MYH6: variants seen among roughly 807,000 people sequenced by gnomAD.
The protein encoded by MYH6 is myosin heavy chain 6.
Under a neutral mutation model 223.2 loss-of-function variants are expected in MYH6, and 126 were observed. That is an observed-to-expected ratio of 0.56 (90% CI 0.49 to 0.65). MYH6 has a LOEUF of 0.65. Among genes scored for constraint, MYH6 ranks in the 30% least tolerant of loss-of-function variants. The pLI is 0.00. For missense variants in MYH6, 2,040 were observed against 2,536.4 expected (o/e 0.80, Z 4.20); for synonymous variants, 978 against 1,010.2 (o/e 0.97, Z 0.61).
intron 12 of MYH6, among the ~76,000 whole-genome samples, chr14:23,401,460 AGT>A (rs1249600258): frequency 6.6e-6 from 1 of 152,248 alleles, no homozygotes; most frequent in Non-Finnish European, 1.5e-5. Context: ...CGTGTGCCTG[AGT>A]CAGGCTGGAG....
At chr14:23,396,547 C>T (rs1891401524) in intron 19 of MYH6, 127 bp from the exon 20 acceptor site, 3 of 1,569,420 alleles carry the variant, frequency 1.9e-6, no homozygotes, top group Non-Finnish European at 2.6e-6. Context: ...AAAAATTTGA[C>T]AAACAAGACC....
At chr14:23,392,458 G>T in intron 25 of MYH6, 104 bp downstream of exon 25, 1 of 910,632 alleles carries the variant, frequency 1.1e-6, no homozygotes, top group Non-Finnish European at 1.9e-6. Flanking sequence ...CTATGAGGCT[G>T]CCTGGAGTTC....
At chr14:23,396,585 A>T (rs776911881) in intron 19 of MYH6, 109 bp downstream of exon 19, 4 of 1,598,522 alleles carry the variant, frequency 2.5e-6, no homozygotes, top group Non-Finnish European at 2.6e-6. Context: ...TCAGCCCTTG[A>T]TAAGGTTGAT....
At position 23,397,269 on chromosome 14, in the gene MYH6, TGAAGGTGG is replaced by T. The variant is rs748541467; in HGVS notation, c.1963-20_1963-13del. On this transcript the variant is annotated splice_polypyrimidine_tract_variant and intron_variant, in intron 16 of 38. Transcript: ENST00000405093. Reference sequence around the variant, plus strand: ...TTGTTGAGATTTTCCTGGAGGCAGATGAAGGTGGGGAGTTAGGAGCCACAAGGACCATC... The same window carrying T: ...TTGTTGAGATTTTCCTGGAGGCAGATGGAGTTAGGAGCCACAAGGACCATC... The T allele has an allele frequency of 3.7e-6, 6 of 1,613,376 alleles. No homozygotes were observed. Among genetic ancestry groups the T allele is most frequent in the Non-Finnish European group, 5.1e-6 (6 of 1,179,374 alleles).
rs1891276984 is a variant in MYH6, at chr14:23,392,866, G to C, written c.3251+46C>G. The C allele has an allele frequency of 2.5e-6, 4 of 1,610,360 alleles. No homozygotes were observed. In the Admixed American group the frequency reaches 6.7e-5, roughly 27 times the overall value. On this transcript the variant is annotated intron_variant, in intron 24 of 38. Coordinates refer to ENST00000405093, the MANE Select transcript of MYH6 (RefSeq NM_002471.4). ...GCAGCACCCTGCACTCTATCTACCA[G>C]GCCAGACACCTCCATTAGCCCCTCC...
chr14:23,396,431 G>T lies in MYH6; in HGVS notation c.2293-11C>A. 1.2e-6 allele frequency: 2 copies of T among 1,613,318 alleles called. No individual in the cohort carries two copies. The highest frequency in any genetic ancestry group is 2.2e-5 in the South Asian group (2 of 91,070). On this transcript the variant is annotated splice_polypyrimidine_tract_variant and intron_variant, in intron 19 of 38. Transcript: ENST00000405093. ...TGCCTTGAAGAACACCTGCAGGCAA[G>T]GGGTAGATGCAACAGGCCGCAGCCT...
chr14:23,388,265 C>G lies in MYH6; in HGVS notation c.4249G>C (p.Glu1417Gln), dbSNP rs1060501426. 4.3e-6 allele frequency: 7 copies of G among 1,613,124 alleles called. No individual in the cohort carries two copies. Among genetic ancestry groups the G allele is most frequent in the Non-Finnish European group, 5.9e-6 (7 of 1,180,036 alleles). Residue 1417 changes from glutamate (E) to glutamine (Q), a missense_variant, in exon 30 of 39, where the codon GAG becomes CAG. Glu to Gln is a conservative substitution (Grantham distance 29). Coordinates refer to ENST00000405093, the MANE Select transcript of MYH6 (RefSeq NM_002471.4). ...TTCTGTAGCCGGTGCTTGGTCTTCT[C>G]CAGTGAGGAGCACTTGGCATTAACA... ...EAVNAKCSSL[E>Q]KTKHRLQNEI...
chr14:23,388,685 C>G lies in MYH6; in HGVS notation c.4175+174G>C, dbSNP rs752552453. On this transcript the variant is annotated intron_variant, in intron 29 of 38. Coordinates refer to ENST00000405093, the MANE Select transcript of MYH6 (RefSeq NM_002471.4). The stretch of plus-strand genomic sequence containing the variant: ...CCCGTCACAGGAAGTGGGTCAGGGC[C>G]AGCCAGAGTTCACAGAGCAAAGAGT... 1.5e-5 allele frequency: 17 copies of G among 1,108,552 alleles called. No homozygotes were observed. In the Admixed American group the frequency reaches 2.9e-4, roughly 19 times the overall value. The allele number at this position is 1,108,552 out of a possible 1,614,324, so 68.7% of individuals were successfully genotyped here.
At chr14:23,382,112 G>GT in intron 38 of MYH6, 49 bp from the exon 39 acceptor site, 1 of 1,544,444 alleles carries the variant, frequency 6.5e-7, no homozygotes, top group Non-Finnish European at 9.0e-7. Flanking sequence ...AGAGGGAGAA[G>GT]TGTGTGGGGA....
intron 15 of MYH6, among the ~76,000 whole-genome samples, chr14:23,397,958 C>CTTCTTCTTCTTT (rs1566512506): frequency 1.4e-4 from 16 of 113,698 alleles, no homozygotes; most frequent in African/African-American, 2.2e-4. Flanking sequence ...TCTTCTTCTT[C>CTTCTTCTTCTTT]TTCTTCTTCT....
In MYH6 at chr14:23,397,212, G is replaced by A. The variant is rs754199269; in HGVS notation, c.2008C>T (p.His670Tyr). Residue 670 changes from histidine (H) to tyrosine (Y), a missense_variant, in exon 17 of 39, where the codon CAC (histidine) becomes TAC (tyrosine). This residue lies in a region of MYH6 where 649 missense variants were observed against 877.3 expected (regional missense o/e 0.74). Transcript: ENST00000405093. ...LMTNLRTTHP[H>Y]FVRCIIPNER... Reference sequence around the variant, plus strand: ...TTGGGGATGATGCAACGCACAAAGTGAGGATGGGTGGTCCTCAGGTTGGTC... The same window carrying A: ...TTGGGGATGATGCAACGCACAAAGTAAGGATGGGTGGTCCTCAGGTTGGTC... 1.2e-6 allele frequency: 2 copies of A among 1,614,238 alleles called. No homozygotes were observed. Among genetic ancestry groups the A allele is most frequent in the Admixed American group, 3.3e-5 (2 of 60,032 alleles).
Position 23,402,467 on chromosome 14 carries a change from CGGTGCCGTCT to C in MYH6, c.1128_1137del (p.Asp377LysfsTer12). 1 of 1,613,066 alleles carries C rather than the reference CGGTGCCGTCT, an allele frequency of 6.2e-7. No individual in the cohort carries two copies. Among genetic ancestry groups the C allele is most frequent in the Non-Finnish European group, 8.5e-7 (1 of 1,179,976 alleles). ...GCTGCCTGCCTGCCCCTCCCACCTTCGGTGCCGTCTGGCTCCGCCTGCTCCTCCCGCTGCT... is the reference window on the plus strand; with the variant it reads ...GCTGCCTGCCTGCCCCTCCCACCTTCGGCTCCGCCTGCTCCTCCCGCTGCT... On this transcript the variant is annotated frameshift_variant, in exon 12 of 39. Coordinates refer to ENST00000405093, the MANE Select transcript of MYH6 (RefSeq NM_002471.4). LOFTEE classifies it high-confidence loss of function.
In MYH6 at chr14:23,404,842, A is replaced by G. The variant is rs752799535; in HGVS notation, c.531-20T>C. 2.5e-5 allele frequency: 40 copies of G among 1,606,582 alleles called. No homozygotes were observed. The East Asian group carries it at 3.1e-4, about 13-fold the overall frequency. ...TCTCCCCTGGGGGCCACAGAGACCAATCAAAACTCAGGATTCCTACTGTTC... is the reference window on the plus strand; with the variant it reads ...TCTCCCCTGGGGGCCACAGAGACCAGTCAAAACTCAGGATTCCTACTGTTC... On this transcript the variant is annotated intron_variant, in intron 6 of 38. Coordinates refer to ENST00000405093, the MANE Select transcript of MYH6 (RefSeq NM_002471.4).
chr14:23,405,835 G>A lies in MYH6; in HGVS notation c.202-65C>T. The stretch of plus-strand genomic sequence containing the variant: ...TCCCTCCGGGACCCTTGCCAGCACT[G>A]CCCACTGACCTCCTCCCAGGACACA... On this transcript the variant is annotated intron_variant, in intron 3 of 38. Coordinates refer to ENST00000405093, the MANE Select transcript of MYH6 (RefSeq NM_002471.4). This position sits in a 1 kb window ranked among gnomAD's most constrained non-coding sequence, Gnocchi z 4.7. 1 of 1,604,356 alleles carries A rather than the reference G, an allele frequency of 6.2e-7. No homozygotes were observed. Among genetic ancestry groups the A allele is most frequent in the South Asian group, 1.1e-5 (1 of 90,856 alleles).
intron 15 of MYH6, 84 bp from the exon 16 acceptor site, chr14:23,397,697 G>T (rs1219138643): frequency 4.3e-6 from 6 of 1,403,780 alleles, no homozygotes; most frequent in Middle Eastern, 3.5e-4. Flanking sequence ...CTGCTCGCTT[G>T]GTAGCTCTGA....
chr14:23,406,967 T>C, intron 3 of MYH6, 56 bp downstream of exon 3: 1 of 1,584,298 alleles, frequency 6.3e-7, no homozygotes, highest in Non-Finnish European at 8.7e-7. Flanking sequence ...GCTCCACCTC[T>C]GCATCTTCTT....
chr14:23,388,040 G>A (rs189689580), intron 30 of MYH6, 115 bp downstream of exon 30: 5 of 1,606,790 alleles, frequency 3.1e-6, no homozygotes, highest in East Asian at 2.2e-5. Context: ...CCCTGGTCCC[G>A]AGCCTGGGCT....
In MYH6 at chr14:23,384,430, C is replaced by T; in HGVS notation, c.5565+12G>A. On this transcript the variant is annotated intron_variant, in intron 36 of 38. Coordinates refer to ENST00000405093, the MANE Select transcript of MYH6 (RefSeq NM_002471.4). ...TTCCACATCTACTCCTGGTGTCTGGCGTCCGCCGCACCTGGTAGGTGAGCT... is the reference window on the plus strand; with the variant it reads ...TTCCACATCTACTCCTGGTGTCTGGTGTCCGCCGCACCTGGTAGGTGAGCT... 1.9e-6 allele frequency: 3 copies of T among 1,608,646 alleles called. No individual in the cohort carries two copies. The highest frequency in any genetic ancestry group is 2.2e-5 in the South Asian group (2 of 91,066).
rs370158816 is a variant in MYH6, at chr14:23,403,342, G to C, written c.898+6C>G. 3 of 1,612,390 alleles carry C rather than the reference G, an allele frequency of 1.9e-6. No individual in the cohort carries two copies. Among genetic ancestry groups the C allele is most frequent in the Admixed American group, 1.7e-5 (1 of 60,020 alleles). ...GCAGTGGGTGGGGGGTGGCAGGCAG[G>C]TTCACCCAGCAACTCCGGCTTCTTG... On this transcript the variant is annotated splice_donor_region_variant and intron_variant, in intron 10 of 38. Transcript: ENST00000405093.
Sources: allele counts gnomAD v4.1 joint callset (sites outside exome capture counted in the v4.1 genomes callset), GRCh38; gene constraint gnomAD v4.1.1; regional missense constraint gnomAD v4.1.1; non-coding constraint Gnocchi (gnomAD v3.1); transcripts MANE v1.5; gene names NCBI Gene and HGNC (gene_info 2026-07-23, HGNC 2026-07-21).